Variants in LPAR6 observed in about 807,000 individuals in gnomAD.
LPAR6 encodes lysophosphatidic acid receptor 6, also known as G-protein coupled purinergic receptor P2Y5.
In LPAR6, 17 loss-of-function variants were observed where a neutral mutation model predicts 22.0. The ratio of observed to expected loss-of-function variants is 0.77; its 90% CI spans 0.53 to 1.16. LPAR6 has a LOEUF of 1.16. Among genes scored for constraint, LPAR6 ranks in the 50% most tolerant of loss-of-function variants. The pLI, the probability that LPAR6 is intolerant of heterozygous loss-of-function variation, is 0.00. For missense variants in LPAR6, 384 were observed against 406.9 expected (o/e 0.94, Z 0.48); for synonymous variants, 136 against 139.8 (o/e 0.97, Z 0.19).
intron 1 of LPAR6, among the ~76,000 whole-genome samples, chr13:48,404,760 C>G (rs768432842): frequency 6.6e-6 from 1 of 151,948 alleles, no homozygotes; most frequent in Non-Finnish European, 1.5e-5. Context: ...CTCCTGACAT[C>G]GTGATCCGCC....
chr13:48,400,269 G>GTATT (rs1948680415), intron 1 of LPAR6, among the ~76,000 whole-genome samples: 1 of 152,068 alleles, frequency 6.6e-6, no homozygotes, highest in Non-Finnish European at 1.5e-5. Context: ...GTGCTTCAGT[G>GTATT]TATTAACTCA....
chr13:48,407,385 A>G (rs1283265451), downstream of LPAR6, among the ~76,000 whole-genome samples: 2 of 152,286 alleles, frequency 1.3e-5, no homozygotes, highest in East Asian at 1.9e-4. Flanking sequence ...GAGGCTTAAC[A>G]CTATCATTTT....
chr13:48,417,836 T>C (rs1948939188), upstream of LPAR6, among the ~76,000 whole-genome samples: 1 of 151,990 alleles, frequency 6.6e-6, no homozygotes, highest in Non-Finnish European at 1.5e-5. Flanking sequence ...GGAAAAAGAA[T>C]GAAAAGAAAC....
chr13:48,405,423 C>G (rs778037568), intron 1 of LPAR6, among the ~76,000 whole-genome samples: 5 of 152,100 alleles, frequency 3.3e-5, no homozygotes, highest in Non-Finnish European at 5.9e-5. Flanking sequence ...AATTATGTGC[C>G]AGACACTAAA....
chr13:48,431,028 A>T (rs1205643280), upstream of LPAR6, among the ~76,000 whole-genome samples: 2 of 152,220 alleles, frequency 1.3e-5, no homozygotes, highest in African/African-American at 4.8e-5. Context: ...TTGTTGCAAG[A>T]ACAACATAAA....
chr13:48,415,848 T>C (rs1173603092), upstream of LPAR6: 2 of 152,184 alleles, frequency 1.3e-5, no homozygotes, highest in Non-Finnish European at 2.9e-5. Context: ...ATACTGCATT[T>C]TTTCCAGATA....
At chr13:48,407,557 T>A (rs917037998), downstream of LPAR6, among the ~76,000 whole-genome samples, 1 of 152,136 alleles carries the variant, frequency 6.6e-6, no homozygotes, top group East Asian at 1.9e-4. Flanking sequence ...GAATTAGAGA[T>A]TTTAGGAGTT....
chr13:48,441,274 A>G (rs533842615), intron 1 of LPAR6, among the ~76,000 whole-genome samples: 21 of 152,310 alleles, frequency 1.4e-4, no homozygotes, highest in African/African-American at 4.8e-4. Flanking sequence ...AAGGGTACTA[A>G]TCATCCTTTT....
intron 2 of LPAR6, among the ~76,000 whole-genome samples, chr13:48,420,476 C>T (rs1347317432): frequency 1.3e-5 from 2 of 152,150 alleles, no homozygotes; most frequent in African/African-American, 4.8e-5. Context: ...AAAACTGGCA[C>T]AAGACAAGGA....
At chr13:48,440,729 A>G (rs1949228660) in intron 1 of LPAR6, among the ~76,000 whole-genome samples, 1 of 152,200 alleles carries the variant, frequency 6.6e-6, no homozygotes, top group Non-Finnish European at 1.5e-5. Context: ...CTTTGTTAAA[A>G]GGTAAAAAAG....
intron 1 of LPAR6, chr13:48,439,801 G>T (rs377541609): frequency 2.6e-5 from 4 of 152,078 alleles, no homozygotes; most frequent in South Asian, 4.2e-4. Context: ...TTGAAAGAAG[G>T]CCTTTTTGAA....
intron 1 of LPAR6, among the ~76,000 whole-genome samples, chr13:48,443,267 A>G (rs760473471): frequency 1.3e-5 from 2 of 151,676 alleles, no homozygotes; most frequent in Non-Finnish European, 2.9e-5. Context: ...TAAATGGATA[A>G]AGCTGAAAAA....
At position 48,412,680 on chromosome 13, in the gene LPAR6, C is replaced by T; in HGVS notation, c.-257G>A. The stretch of plus-strand genomic sequence containing the variant: ...TTTAGAAAATCCATGAATTCCAAGG[C>T]TCAGTTAACTGACGAGCAACCTTTA... On this transcript the variant is annotated 5_prime_UTR_variant, in exon 1 of 1. Coordinates refer to ENST00000620633, the MANE Select transcript of LPAR6 (RefSeq NM_001162498.3). The T allele has an allele frequency of 1.9e-6, 1 of 520,566 alleles. No individual in the cohort carries two copies. The highest frequency in any genetic ancestry group is 3.6e-5 in the East Asian group (1 of 27,458). The allele number at this position is 520,566 out of a possible 1,614,324, so 32.2% of individuals were successfully genotyped here.
At chr13:48,416,261 G>C (rs1423499855), upstream of LPAR6, 1 of 138,054 alleles carries the variant, frequency 7.2e-6, no homozygotes, top group African/African-American at 3.3e-5. Flanking sequence ...TGGTCAGACA[G>C]GGGGTGCAGC....
upstream of LPAR6, among the ~76,000 whole-genome samples, chr13:48,414,141 A>G (rs1948866829): frequency 6.6e-6 from 1 of 152,146 alleles, no homozygotes; most frequent in Non-Finnish European, 1.5e-5. Context: ...TGAGATCAGG[A>G]GTTTGAGAGC....
chr13:48,394,132 C>T (rs1279718275), intron 1 of LPAR6, among the ~76,000 whole-genome samples: 1 of 152,142 alleles, frequency 6.6e-6, no homozygotes, highest in East Asian at 1.9e-4. Flanking sequence ...CATCACCTCA[C>T]CCGGGAAGCA....
At chr13:48,395,106 G>C (rs1375615308) in intron 1 of LPAR6, among the ~76,000 whole-genome samples, 1 of 152,086 alleles carries the variant, frequency 6.6e-6, no homozygotes, top group Non-Finnish European at 1.5e-5. Context: ...AGGCAAACAG[G>C]GTCTGGAGTG....
chr13:48,434,264 TAGTG>T (rs1399132092), intron 1 of LPAR6, among the ~76,000 whole-genome samples: 1 of 151,848 alleles, frequency 6.6e-6, no homozygotes, highest in Non-Finnish European at 1.5e-5. Flanking sequence ...CTGGACAACA[TAGTG>T]AGAATCTCTC....
intron 2 of LPAR6, among the ~76,000 whole-genome samples, chr13:48,422,318 G>C (rs1480532011): frequency 6.6e-6 from 1 of 152,132 alleles, no homozygotes; most frequent in Non-Finnish European, 1.5e-5. Context: ...ACTGAACAAT[G>C]AGAACACATG....
Sources: allele counts gnomAD v4.1 joint callset (sites outside exome capture counted in the v4.1 genomes callset), GRCh38; gene constraint gnomAD v4.1.1; transcripts MANE v1.5; gene names NCBI Gene and HGNC (gene_info 2026-07-23, HGNC 2026-07-21).